The following SYNE3 variants were observed in gnomAD, a reference collection of about 807,000 sequenced individuals.
SYNE3 encodes spectrin repeat containing nuclear envelope family member 3, also known as nesprin-3.
Under a neutral mutation model 111.2 loss-of-function variants are expected in SYNE3, and 100 were observed. That is an observed-to-expected ratio of 0.90 (90% confidence interval 0.77 to 1.06). SYNE3 has a LOEUF of 1.06. Among genes scored for constraint, SYNE3 ranks in the 50% least tolerant of loss-of-function variants. The pLI is 0.00. For synonymous variants in SYNE3, 547 were observed against 533.9 expected, an observed-to-expected ratio of 1.02 and a Z score of -0.34; for missense variants, 1,160 against 1,240.3, an observed-to-expected ratio of 0.94 and a Z score of 0.97.
chr14:95,447,225 C>T lies in SYNE3; in HGVS notation c.1450-1134G>A, dbSNP rs534780290. On this transcript the variant is annotated intron_variant, in intron 8 of 17. Transcript: ENST00000682763. ...CTCAGCTCACTGCAAGCTTCACCTC[C>T]TGGGTTCACGCCATTCTCCTGCCTC... 8.4e-4 allele frequency among the ~76,000 whole-genome samples: 128 copies of T among 151,694 alleles called. 2 individuals are homozygous for T. Among genetic ancestry groups the T allele is most frequent in the Middle Eastern group, 3.4e-3 (1 of 294 alleles).
chr14:95,477,337 G>T (rs1220117196), intron 1 of SYNE3, among the ~76,000 whole-genome samples: 2 of 152,226 alleles, frequency 1.3e-5, no homozygotes, highest in African/African-American at 4.8e-5. Flanking sequence ...GGCATTGGGG[G>T]AGAGGCACAG....
chr14:95,422,511 C>T (rs1242606069), intron 17 of SYNE3, among the ~76,000 whole-genome samples: 1 of 152,176 alleles, frequency 6.6e-6, no homozygotes, highest in Non-Finnish European at 1.5e-5. Flanking sequence ...ATTAGAACGA[C>T]AACAAAAGTC....
chr14:95,444,520 G>A lies in SYNE3; in HGVS notation c.1741C>T (p.Leu581Phe). The change falls in exon 10 of 18, where the codon CTT becomes TTT. Residue 581 changes from leucine (L) to phenylalanine (F), a missense_variant. Physicochemically the swap from Leu to Phe is conservative, Grantham distance 22. Coordinates refer to ENST00000682763, the MANE Select transcript of SYNE3 (RefSeq NM_152592.6). Reference protein sequence around the residue: ...VQAEKGLQRDLPGKQAQLSRL... With the variant: ...VQAEKGLQRDFPGKQAQLSRL... ...GAGAGCTGGGCCTGTTTTCCAGGAA[G>A]GTCCCGCTGAAGCCCCTTCTCGGCT... 1.2e-6 allele frequency: 2 copies of A among 1,613,238 alleles called. No individual in the cohort carries two copies. The highest frequency in any genetic ancestry group is 2.2e-5 in the South Asian group (2 of 91,032).
chr14:95,507,354 G>C (rs923528689), intron 1 of SYNE3, among the ~76,000 whole-genome samples: 2 of 152,200 alleles, frequency 1.3e-5, no homozygotes, highest in Non-Finnish European at 2.9e-5. Context: ...TTACAAAGCG[G>C]AAGAGCCCAG....
At position 95,479,132 on chromosome 14, in the gene SYNE3, T is replaced by G. The variant is rs1053189950; in HGVS notation, c.-14-3297A>C. On this transcript the variant is annotated intron_variant, in intron 1 of 17. Transcript: ENST00000682763. ...AAACCCATCCAGGTGCAGTGGCTCA[T>G]GCCTGTAATCCCAGCAGTTTGGGAG... Among the ~76,000 whole-genome samples the G allele has an allele frequency of 1.2e-4, 18 of 149,640 alleles. No homozygotes were observed. The Admixed American group carries it at 1.2e-3, about 10-fold the overall frequency.
intron 14 of SYNE3, 42 bp from the exon 15 acceptor site, chr14:95,437,023 C>G (rs200146914): frequency 5.0e-5 from 80 of 1,611,272 alleles, no homozygotes; most frequent in Admixed American, 1.3e-4. Context: ...GGTGAAAGAG[C>G]CCCCCTGGCC....
intron 11 of SYNE3, among the ~76,000 whole-genome samples, chr14:95,442,857 T>A (rs1197392103): frequency 1.3e-5 from 2 of 152,146 alleles, no homozygotes; most frequent in African/African-American, 4.8e-5. Flanking sequence ...CATTGGCTTG[T>A]TTGCTTGATG....
intron 4 of SYNE3, among the ~76,000 whole-genome samples, chr14:95,463,889 G>A (rs1010114900): frequency 6.6e-6 from 1 of 152,272 alleles, no homozygotes; most frequent in African/African-American, 2.4e-5. Flanking sequence ...GCTACTGAGA[G>A]TAGAAGTCGT....
intron 1 of SYNE3, among the ~76,000 whole-genome samples, chr14:95,504,388 C>G (rs1053356729): frequency 9.2e-5 from 14 of 152,216 alleles, no homozygotes; most frequent in Admixed American, 4.6e-4. Context: ...GTCCATTATC[C>G]TAGAAAATTC....
chr14:95,487,565 G>T (rs1161398659), intron 1 of SYNE3, among the ~76,000 whole-genome samples: 4 of 152,082 alleles, frequency 2.6e-5, no homozygotes, highest in Non-Finnish European at 5.9e-5. Context: ...GGGTATAATT[G>T]GTAAATAAGA....
In SYNE3 at chr14:95,417,977, ACACAG is replaced by A; in HGVS notation, c.2772_2776del (p.Cys925GlyfsTer71). The A allele has an allele frequency of 6.2e-7, 1 of 1,612,858 alleles. No individual in the cohort carries two copies. Among genetic ancestry groups the A allele is most frequent in the South Asian group, 1.1e-5 (1 of 91,010 alleles). On this transcript the variant is annotated frameshift_variant, in exon 18 of 18. Transcript: ENST00000682763. LOFTEE classifies it low-confidence loss of function (END_TRUNC). ...CAGAAGCAGCTGCAGTGGGAGCGCC[ACACAG>A]CACGCCCTCCGGAAGAGGGAGCCCA...
chr14:95,479,224 C>CAAAAAAAAAAAAAAAA (rs71132351), intron 1 of SYNE3, among the ~76,000 whole-genome samples: 11 of 86,300 alleles, frequency 1.3e-4, no homozygotes, highest in Admixed American at 5.1e-4. Context: ...TCGTCTCTAC[C>CAAAAAAAAAAAAAAAA]AAAAAAAAAA....
At chr14:95,419,029 T>C (rs1326567332) in intron 17 of SYNE3, among the ~76,000 whole-genome samples, 2 of 152,162 alleles carry the variant, frequency 1.3e-5, no homozygotes, top group African/African-American at 4.8e-5. Flanking sequence ...GTCTCACAAG[T>C]CCAAATGCCT....
intron 8 of SYNE3, among the ~76,000 whole-genome samples, chr14:95,447,447 C>T (rs1030970493): frequency 2.4e-4 from 37 of 152,070 alleles, no homozygotes; most frequent in African/African-American, 8.9e-4. Flanking sequence ...AGAAAGTGGT[C>T]ATTCTTTAAG....
Position 95,467,830 on chromosome 14 carries a change from C to A in SYNE3, c.282G>T (p.Trp94Cys). Residue 94 changes from tryptophan (W) to cysteine (C), a missense_variant, in exon 3 of 18, where the codon TGG (tryptophan) becomes TGT (cysteine). Transcript: ENST00000682763. The stretch of plus-strand genomic sequence containing the variant: ...GAGTCATGTAGGTGACTGTCTCCTC[C>A]CATTGGGCCTTGATGTCCTTCAGCC... ...LARLKDIKAQ[W>C]EETVTYMTHC... is the part of the protein sequence containing the mutation. 1 of 1,614,196 alleles carries A rather than the reference C, an allele frequency of 6.2e-7. No homozygotes were observed. Among genetic ancestry groups the A allele is most frequent in the Non-Finnish European group, 8.5e-7 (1 of 1,180,040 alleles).
Position 95,502,403 on chromosome 14 carries a change from G to C in SYNE3, c.-15+14193C>G, listed in dbSNP as rs192009351. ...CTTGCTCTGGGTTATGGACGGGACA[G>C]CCGCCTACAGCCTGTGTGTCCTGCC... is the stretch of plus-strand genomic sequence containing the variant. On this transcript the variant is annotated intron_variant, in intron 1 of 17. Transcript: ENST00000682763. Among the ~76,000 whole-genome samples, 183 of 152,178 alleles carry C rather than the reference G, an allele frequency of 1.2e-3. 1 individual carries two copies. The highest frequency in any genetic ancestry group is 3.2e-3 in the African/African-American group (132 of 41,516).
intron 11 of SYNE3, among the ~76,000 whole-genome samples, chr14:95,442,012 G>C (rs529407776): frequency 1.3e-5 from 2 of 152,192 alleles, no homozygotes; most frequent in Non-Finnish European, 2.9e-5. Context: ...AAACCTGCTT[G>C]GCATGACCTG....
chr14:95,475,881 G>A, intron 1 of SYNE3, 46 bp from the exon 2 acceptor site: 2 of 1,391,196 alleles, frequency 1.4e-6, no homozygotes, highest in Non-Finnish European at 1.9e-6. Flanking sequence ...GAATGTAGGG[G>A]GCTGCAAAAA....
intron 1 of SYNE3, among the ~76,000 whole-genome samples, chr14:95,489,349 G>A (rs1343165617): frequency 6.6e-6 from 1 of 152,226 alleles, no homozygotes; most frequent in Non-Finnish European, 1.5e-5. Context: ...AGCTGCCAGG[G>A]GTTCTCCTGG....
Sources: allele counts gnomAD v4.1 joint callset (sites outside exome capture counted in the v4.1 genomes callset), GRCh38; gene constraint gnomAD v4.1.1; transcripts MANE v1.5; gene names NCBI Gene and HGNC (gene_info 2026-07-23, HGNC 2026-07-21).